ZNF680: variants seen among roughly 807,000 people sequenced by gnomAD.
ZNF680 encodes the protein zinc finger protein 680.
Under a neutral mutation model 12.1 loss-of-function variants are expected in ZNF680, and 6 were observed. The ratio of observed to expected loss-of-function variants is 0.49; its 90% CI spans 0.27 to 0.98. The LOEUF (loss-of-function observed/expected upper bound fraction) is 0.98. Among genes scored for constraint, ZNF680 ranks in the 50% least tolerant of loss-of-function variants. The pLI is 0.12. For synonymous variants in ZNF680, 170 were observed against 199.3 expected (o/e 0.85, Z 1.24); for missense variants, 561 against 616.3 (o/e 0.91, Z 0.95).
chr7:64,505,239 G>A, the ZNF680 span, among the ~76,000 whole-genome samples: 1 of 152,134 alleles, frequency 6.6e-6, no homozygotes, highest in Non-Finnish European at 1.5e-5. Context: ...TACTTCAAAT[G>A]TTTCATCTAA....
chr7:64,540,235 G>A (rs79465003), intron 3 of ZNF680, among the ~76,000 whole-genome samples: 5,910 of 151,544 alleles, frequency 0.039, 375 homozygotes, highest in East Asian at 0.32. Context: ...CCAAAATGGA[G>A]GTCATATTTG....
At chr7:64,556,821 C>T (rs1787438753) in intron 1 of ZNF680, among the ~76,000 whole-genome samples, 2 of 152,120 alleles carry the variant, frequency 1.3e-5, no homozygotes, top group African/African-American at 4.8e-5. Context: ...CCTAAAGAAA[C>T]TAAAGAGCTT....
chr7:64,527,059 G>A (rs1489370739), intron 3 of ZNF680, among the ~76,000 whole-genome samples: 4 of 152,258 alleles, frequency 2.6e-5, no homozygotes, highest in East Asian at 3.9e-4. Flanking sequence ...CCAACATGGC[G>A]AAACCCCTTC....
chr7:64,562,359 T>C (rs1787794088), intron 1 of ZNF680, among the ~76,000 whole-genome samples: 1 of 151,978 alleles, frequency 6.6e-6, no homozygotes, highest in African/African-American at 2.4e-5. Flanking sequence ...AACCAGAAAA[T>C]TTCCACTTTG....
At chr7:64,552,945 G>A (rs568503150) in intron 1 of ZNF680, among the ~76,000 whole-genome samples, 1 of 152,114 alleles carries the variant, frequency 6.6e-6, no homozygotes, top group Non-Finnish European at 1.5e-5. Flanking sequence ...GGCCAACATG[G>A]CAAAATCCTG....
chr7:64,542,469 T>A (rs1786556938), intron 3 of ZNF680, among the ~76,000 whole-genome samples: 1 of 152,212 alleles, frequency 6.6e-6, no homozygotes, highest in African/African-American at 2.4e-5. Flanking sequence ...ATATAAAAAA[T>A]TATAAACAGT....
At chr7:64,502,873 C>T in the ZNF680 span, among the ~76,000 whole-genome samples, 1 of 151,940 alleles carries the variant, frequency 6.6e-6, no homozygotes, top group South Asian at 2.1e-4. Flanking sequence ...ATATTTTTTG[C>T]TCACATCCCC....
At chr7:64,544,016 G>T (rs541166368) in intron 2 of ZNF680, 1 of 592,680 alleles carries the variant, frequency 1.7e-6, no homozygotes, top group South Asian at 2.3e-5. Context: ...AAATTGGTGG[G>T]GGCAATTAAA....
chr7:64,544,496 G>A (rs1309559604), intron 1 of ZNF680, 64 bp from the exon 2 acceptor site: 1 of 1,552,024 alleles, frequency 6.4e-7, no homozygotes, highest in Non-Finnish European at 8.7e-7. Flanking sequence ...AATGACCATG[G>A]GCAGAATTTT....
chr7:64,550,918 A>G (rs577709533), intron 1 of ZNF680, among the ~76,000 whole-genome samples: 1 of 152,320 alleles, frequency 6.6e-6, no homozygotes, highest in African/African-American at 2.4e-5. Flanking sequence ...AAATATAATT[A>G]AAAGACAAAT....
chr7:64,524,515 T>A (rs1791727761), intron 3 of ZNF680, among the ~76,000 whole-genome samples: 1 of 152,192 alleles, frequency 6.6e-6, no homozygotes, highest in South Asian at 2.1e-4. Flanking sequence ...TATCTCACAT[T>A]AAGTTTCCAA....
At chr7:64,513,419 A>T in the ZNF680 span, among the ~76,000 whole-genome samples, 4 of 152,068 alleles carry the variant, frequency 2.6e-5, no homozygotes, top group Non-Finnish European at 4.4e-5. Context: ...ATTCAAAAGG[A>T]TATTATATAG....
the ZNF680 span, among the ~76,000 whole-genome samples, chr7:64,505,027 T>C: frequency 6.6e-6 from 1 of 152,220 alleles, no homozygotes; most frequent in African/African-American, 2.4e-5. Flanking sequence ...TTGTATTGCC[T>C]TGGAAACCCG....
At chr7:64,505,127 C>T in the ZNF680 span, among the ~76,000 whole-genome samples, 450 of 152,304 alleles carry the variant, frequency 3.0e-3, 7 homozygotes, top group African/African-American at 1.0e-2. Context: ...TCGAGCAAAG[C>T]CAAAATCATG....
chr7:64,536,740 G>A (rs1786190186), intron 3 of ZNF680, among the ~76,000 whole-genome samples: 1 of 152,194 alleles, frequency 6.6e-6, no homozygotes, highest in African/African-American at 2.4e-5. Context: ...TGCACCTAGT[G>A]TATTCTGTTA....
chr7:64,519,290 T>C (rs931696073), downstream of ZNF680, among the ~76,000 whole-genome samples: 1 of 151,940 alleles, frequency 6.6e-6, no homozygotes, highest in Admixed American at 6.6e-5. Context: ...CACAATATGA[T>C]ACCACCTCAC....
At chr7:64,522,537 T>C in intron 3 of ZNF680, 37 bp from the exon 4 acceptor site, 1 of 1,349,974 alleles carries the variant, frequency 7.4e-7, no homozygotes, top group East Asian at 2.5e-5. Context: ...CACCACTTCC[T>C]AGACTCAGAT....
chr7:64,501,651 G>A, the ZNF680 span: 1 of 940,412 alleles, frequency 1.1e-6, no homozygotes, highest in Non-Finnish European at 1.7e-6. Flanking sequence ...ATGGCCAGCT[G>A]GAGTTGACCA....
intron 3 of ZNF680, chr7:64,525,757 T>C (rs1026944190): frequency 1.0e-6 from 1 of 953,346 alleles, no homozygotes; most frequent in Non-Finnish European, 1.2e-6. Context: ...AGAAAAGTTT[T>C]TCTCCCACAC....
Sources: allele counts gnomAD v4.1 joint callset (sites outside exome capture counted in the v4.1 genomes callset), GRCh38; gene constraint gnomAD v4.1.1; transcripts MANE v1.5; gene names NCBI Gene and HGNC (gene_info 2026-07-23, HGNC 2026-07-21).